The following CSMD1 variants were observed in gnomAD, a reference collection of about 807,000 sequenced individuals.
The protein encoded by CSMD1 is CUB and sushi domain-containing protein 1.
CSMD1 carries 213 observed loss-of-function variants against 417.5 expected under a neutral mutation model. The observed-to-expected ratio is 0.51, with a 90% CI of 0.46 to 0.57. CSMD1 has a LOEUF of 0.57. Ranked by LOEUF, CSMD1 falls within the 20% of genes least tolerant of loss-of-function variation. The pLI is 0.00. For missense variants in CSMD1, 6,923 were observed against 4,529.7 expected (o/e 1.53, Z -15.17); for synonymous variants, 2,862 against 1,736.8 (o/e 1.65, Z -16.11).
intron 36 of CSMD1, among the ~76,000 whole-genome samples, chr8:3,183,318 TC>T (rs1452060679): frequency 1.4e-5 from 2 of 145,854 alleles, no homozygotes; most frequent in African/African-American, 2.5e-5. Flanking sequence ...TAACGCCTAA[TC>T]TATCTATCCC....
chr8:3,379,801 G>A (rs1287872380), intron 18 of CSMD1, among the ~76,000 whole-genome samples: 1 of 152,094 alleles, frequency 6.6e-6, no homozygotes, highest in African/African-American at 2.4e-5. Flanking sequence ...AACCCTAGAA[G>A]AAAACATAAG....
intron 1 of CSMD1, among the ~76,000 whole-genome samples, chr8:4,682,468 T>C (rs911509995): frequency 2.0e-5 from 3 of 152,146 alleles, no homozygotes; most frequent in African/African-American, 7.2e-5. Flanking sequence ...ATAATATTTC[T>C]ATATGAAAAA....
chr8:4,716,915 A>G (rs1396789639), intron 1 of CSMD1, among the ~76,000 whole-genome samples: 1 of 152,160 alleles, frequency 6.6e-6, no homozygotes, highest in African/African-American at 2.4e-5. Context: ...TCATATCTAG[A>G]CTTTAACAAT....
At chr8:4,247,299 A>G (rs192343527) in intron 3 of CSMD1, among the ~76,000 whole-genome samples, 8 of 152,252 alleles carry the variant, frequency 5.3e-5, no homozygotes, top group South Asian at 4.1e-4. Flanking sequence ...TGGGTGGTCA[A>G]TTGTCTTCTC....
intron 3 of CSMD1, among the ~76,000 whole-genome samples, chr8:4,065,846 A>G (rs1259215169): frequency 2.0e-5 from 3 of 152,224 alleles, no homozygotes; most frequent in African/African-American, 7.2e-5. Flanking sequence ...ATTTTAAAAC[A>G]CACACACCCA....
At position 2,978,700 on chromosome 8, in the gene CSMD1, A is replaced by G; in HGVS notation, c.8478T>C (p.His2826=). ...SFEYGMSILY[H]CKKGFYLLGS... ...CCAGCAAGTAAAATCCCTTCTTGCAATGGTACAGGATACTCATTCCATACT... is the reference window on the plus strand; with the variant it reads ...CCAGCAAGTAAAATCCCTTCTTGCAGTGGTACAGGATACTCATTCCATACT... The change falls in exon 55 of 70, where the codon CAT becomes CAC. Residue 2826 remains histidine, a synonymous_variant. Transcript: ENST00000635120. The G allele has an allele frequency of 6.2e-7, 1 of 1,612,766 alleles. No individual in the cohort carries two copies. The highest frequency in any genetic ancestry group is 8.5e-7 in the Non-Finnish European group (1 of 1,179,406).
intron 12 of CSMD1, among the ~76,000 whole-genome samples, chr8:3,444,964 C>G (rs916024374): frequency 6.6e-6 from 1 of 152,166 alleles, no homozygotes; most frequent in Non-Finnish European, 1.5e-5. Context: ...CTATGAAGTC[C>G]TCATGTCAGA....
chr8:4,566,834 G>A (rs1798637165), intron 2 of CSMD1, among the ~76,000 whole-genome samples: 1 of 151,824 alleles, frequency 6.6e-6, no homozygotes, highest in Non-Finnish European at 1.5e-5. Context: ...GGGCCTTACT[G>A]TATGAAGATA....
At chr8:4,584,617 C>T (rs990757178) in intron 2 of CSMD1, among the ~76,000 whole-genome samples, 1 of 152,106 alleles carries the variant, frequency 6.6e-6, no homozygotes. Flanking sequence ...GAAAGCCATG[C>T]AGCTCCGGGG....
chr8:3,171,648 G>C (rs1820591380), intron 37 of CSMD1, among the ~76,000 whole-genome samples: 1 of 152,084 alleles, frequency 6.6e-6, no homozygotes, highest in Non-Finnish European at 1.5e-5. Context: ...AAATTTGGTA[G>C]AAAAACATCA....
At chr8:3,830,093 G>T (rs973636597) in intron 5 of CSMD1, among the ~76,000 whole-genome samples, 3 of 152,040 alleles carry the variant, frequency 2.0e-5, no homozygotes, top group African/African-American at 7.2e-5. Flanking sequence ...TTCTGTGCCC[G>T]TTTTCTTGAC....
At chr8:4,019,536 C>T (rs1022669229) in intron 4 of CSMD1, among the ~76,000 whole-genome samples, 1 of 152,166 alleles carries the variant, frequency 6.6e-6, no homozygotes, top group African/African-American at 2.4e-5. Context: ...AGAGACATTC[C>T]CCATTCCCTC....
chr8:3,515,451 A>C (rs1357848213), intron 10 of CSMD1: 1 of 152,186 alleles, frequency 6.6e-6, no homozygotes, highest in Admixed American at 6.5e-5. Context: ...AGAGATTTGC[A>C]AGAGAGGAAT....
At chr8:4,165,449 C>G (rs1474224183) in intron 3 of CSMD1, among the ~76,000 whole-genome samples, 6 of 152,204 alleles carry the variant, frequency 3.9e-5, no homozygotes, top group East Asian at 3.8e-4. Context: ...CTATGTCGCC[C>G]AGGCTGAGTG....
intron 3 of CSMD1, among the ~76,000 whole-genome samples, chr8:4,093,672 A>C (rs957962607): frequency 6.6e-6 from 1 of 152,152 alleles, no homozygotes; most frequent in African/African-American, 2.4e-5. Context: ...AAGGAAAGCA[A>C]CAGAACGGCC....
intron 1 of CSMD1, among the ~76,000 whole-genome samples, chr8:4,936,135 A>G (rs1252436224): frequency 6.6e-6 from 1 of 152,226 alleles, no homozygotes; most frequent in African/African-American, 2.4e-5. Context: ...GTCCTGTTCC[A>G]CATAATCTTT....
chr8:3,738,357 C>A (rs1164165361), intron 6 of CSMD1, among the ~76,000 whole-genome samples: 1 of 152,154 alleles, frequency 6.6e-6, no homozygotes, highest in Non-Finnish European at 1.5e-5. Flanking sequence ...GGCATTGGGG[C>A]CTGGCAAAAA....
At chr8:4,332,543 G>T (rs1238460665) in intron 3 of CSMD1, among the ~76,000 whole-genome samples, 1 of 138,096 alleles carries the variant, frequency 7.2e-6, no homozygotes, top group East Asian at 2.3e-4. Flanking sequence ...CTTCTGTCAT[G>T]ATATCACATA....
intron 3 of CSMD1, among the ~76,000 whole-genome samples, chr8:4,054,076 C>A (rs530747633): frequency 1.3e-5 from 2 of 152,172 alleles, no homozygotes; most frequent in Non-Finnish European, 2.9e-5. Flanking sequence ...CTATCTCTCT[C>A]TGTCGCAGTT....
Sources: gnomAD v4.1 joint callset for allele counts (sites outside exome capture counted in the v4.1 genomes callset) on GRCh38, gnomAD v4.1.1 for gene constraint, MANE v1.5 for transcripts, NCBI Gene and HGNC (gene_info 2026-07-23, HGNC 2026-07-21) for gene names.